SYT16: variants seen among roughly 807,000 people sequenced by gnomAD.
The protein encoded by SYT16 is synaptotagmin 16.
SYT16 carries 42 observed loss-of-function variants against 61.4 expected under a neutral mutation model. The observed-to-expected ratio is 0.68, with a 90% CI of 0.53 to 0.89. The LOEUF (loss-of-function observed/expected upper bound fraction) is 0.89, where lower values mean the gene tolerates loss of function less well. Ranked by LOEUF, SYT16 falls within the 40% of genes least tolerant of loss-of-function variation. The pLI is 0.00. For missense variants in SYT16, 804 were observed against 807.3 expected, an observed-to-expected ratio of 1.00 and a Z score of 0.05; for synonymous variants, 314 against 302.3, an observed-to-expected ratio of 1.04 and a Z score of -0.40.
At chr14:62,032,105 A>T (rs1026476570) in intron 3 of SYT16, among the ~76,000 whole-genome samples, 1 of 152,164 alleles carries the variant, frequency 6.6e-6, no homozygotes, top group Admixed American at 6.6e-5. Flanking sequence ...AACGGGAATG[A>T]TGAATTAAAT....
intron 1 of SYT16, among the ~76,000 whole-genome samples, chr14:61,959,937 C>A (rs1048159283): frequency 6.6e-6 from 1 of 151,940 alleles, no homozygotes; most frequent in Non-Finnish European, 1.5e-5. Context: ...CTCAAGTGAT[C>A]CTCCCACCTT....
rs73258437 is a variant in SYT16 at position 61,895,276 on chromosome 14, C to T, written c.-324-74856C>T. On this transcript the variant is annotated intron_variant, in intron 1 of 7. Coordinates refer to ENST00000683842, the MANE Select transcript of SYT16 (RefSeq NM_001367656.1). ...AATTTTTTTTAAAAAAATCAAAGTT[C>T]TTCCTCTAATGCTGAATCCCTCTGG... Among the ~76,000 whole-genome samples, 554 of 152,258 alleles carry T rather than the reference C, an allele frequency of 3.6e-3. 7 individuals are homozygous for T. The highest frequency in any genetic ancestry group is 0.012 in the African/African-American group (515 of 41,554).
intron 1 of SYT16, among the ~76,000 whole-genome samples, chr14:61,966,288 C>T (rs1252220975): frequency 6.6e-6 from 1 of 151,440 alleles, no homozygotes; most frequent in African/African-American, 2.4e-5. Flanking sequence ...ACATTAAATT[C>T]ATTAATATAA....
chr14:61,817,722 G>A (rs1444907678), intron 1 of SYT16, among the ~76,000 whole-genome samples: 1 of 152,194 alleles, frequency 6.6e-6, no homozygotes, highest in Admixed American at 6.5e-5. Context: ...TAATTGGTGA[G>A]ATTTGAATAT....
At chr14:62,047,123 C>A (rs911118684) in intron 3 of SYT16, among the ~76,000 whole-genome samples, 1 of 151,010 alleles carries the variant, frequency 6.6e-6, no homozygotes, top group Admixed American at 6.6e-5. Context: ...TGTATTGTAT[C>A]TTGTATTGTA....
intron 3 of SYT16, among the ~76,000 whole-genome samples, chr14:62,053,782 A>G (rs1223023919): frequency 6.6e-6 from 1 of 152,240 alleles, no homozygotes; most frequent in Non-Finnish European, 1.5e-5. Flanking sequence ...ACTCTGTATG[A>G]CAATTATGAA....
chr14:61,852,811 A>G (rs987390011), intron 1 of SYT16, among the ~76,000 whole-genome samples: 1 of 152,236 alleles, frequency 6.6e-6, no homozygotes, highest in Non-Finnish European at 1.5e-5. Flanking sequence ...AAAAAGCAAC[A>G]TATCTTTTTC....
intron 1 of SYT16, among the ~76,000 whole-genome samples, chr14:61,874,747 T>G (rs1306700086): frequency 6.6e-6 from 1 of 151,930 alleles, no homozygotes; most frequent in Non-Finnish European, 1.5e-5. Flanking sequence ...AATTTAACAT[T>G]TTCAGAGCCA....
chr14:62,091,509 G>A (rs1399110058), intron 7 of SYT16, among the ~76,000 whole-genome samples: 1 of 152,142 alleles, frequency 6.6e-6, no homozygotes, highest in Non-Finnish European at 1.5e-5. Context: ...CCACAAAATG[G>A]TAATAAAATT....
chr14:61,988,724 AAG>A (rs2052423241), intron 2 of SYT16, among the ~76,000 whole-genome samples: 1 of 152,206 alleles, frequency 6.6e-6, no homozygotes, highest in South Asian at 2.1e-4. Context: ...ACATTTTTTG[AAG>A]AGTTCCATTA....
intron 3 of SYT16, among the ~76,000 whole-genome samples, chr14:62,008,111 A>G (rs541907985): frequency 6.6e-6 from 1 of 152,016 alleles, no homozygotes; most frequent in East Asian, 1.9e-4. Context: ...TTGTTTATTT[A>G]TTTATTTATA....
In SYT16 at chr14:61,933,788, T is replaced by C. The variant is rs550180398; in HGVS notation, c.-324-36344T>C. Among the ~76,000 whole-genome samples the C allele has an allele frequency of 3.0e-3, 459 of 152,280 alleles. 2 individuals carry two copies. Among genetic ancestry groups the C allele is most frequent in the South Asian group, 0.015 (73 of 4,826 alleles). On this transcript the variant is annotated intron_variant, in intron 1 of 7. Transcript: ENST00000683842. Reference sequence around the variant, plus strand: ...GCAAAGCGTTTGGACATTTACAAAATAAGCTATTTTCTATTTAAGAAAAAA... The same window carrying C: ...GCAAAGCGTTTGGACATTTACAAAACAAGCTATTTTCTATTTAAGAAAAAA...
chr14:62,084,237 T>C lies in SYT16; in HGVS notation c.1476T>C (p.Ser492=). 3.1e-6 allele frequency: 5 copies of C among 1,613,894 alleles called. No homozygotes were observed. The highest frequency in any genetic ancestry group is 3.4e-6 in the Non-Finnish European group (4 of 1,179,862). The change falls in exon 7 of 8, where the codon AGT becomes AGC. Residue 492 remains serine, a synonymous_variant. Coordinates refer to ENST00000683842, the MANE Select transcript of SYT16 (RefSeq NM_001367656.1). ...TCAGCCCATCTGCGGTTTCTCACAG[T>C]GATAGTACTTCATCCACGCAGTCGC... ...SPLSPSAVSH[S]DSTSSTQSLS... is the part of the protein sequence containing the mutation.
intron 3 of SYT16, among the ~76,000 whole-genome samples, chr14:62,053,400 C>T (rs2055399131): frequency 6.6e-6 from 1 of 152,200 alleles, no homozygotes; most frequent in Non-Finnish European, 1.5e-5. Flanking sequence ...GTTCTCAGAC[C>T]TTCAAAGTCA....
At chr14:62,017,408 C>G (rs1042208013) in intron 3 of SYT16, among the ~76,000 whole-genome samples, 1 of 152,124 alleles carries the variant, frequency 6.6e-6, no homozygotes, top group African/African-American at 2.4e-5. Flanking sequence ...TTGAATTATC[C>G]AAGCATATGC....
intron 1 of SYT16, among the ~76,000 whole-genome samples, chr14:61,968,812 C>T (rs2051423901): frequency 6.6e-6 from 1 of 152,208 alleles, no homozygotes; most frequent in South Asian, 2.1e-4. Flanking sequence ...CCTATAACTA[C>T]TGCTACCGGG....
chr14:62,093,129 C>T (rs1270904880), intron 7 of SYT16, among the ~76,000 whole-genome samples: 2 of 151,680 alleles, frequency 1.3e-5, no homozygotes, highest in Non-Finnish European at 2.9e-5. Context: ...TAAAACAGTT[C>T]TAAAAAATTA....
At chr14:61,948,966 G>A (rs200414848) in intron 1 of SYT16, among the ~76,000 whole-genome samples, 2 of 152,132 alleles carry the variant, frequency 1.3e-5, no homozygotes, top group East Asian at 3.9e-4. Context: ...GGCCATTCTG[G>A]AATCTGAGTG....
chr14:61,962,099 G>C (rs1471982881), intron 1 of SYT16, among the ~76,000 whole-genome samples: 39 of 152,082 alleles, frequency 2.6e-4, no homozygotes, highest in Admixed American at 2.6e-3. Flanking sequence ...GGGAACAACA[G>C]ACACCAGGGC....
Sources: allele counts gnomAD v4.1 joint callset (sites outside exome capture counted in the v4.1 genomes callset), GRCh38; gene constraint gnomAD v4.1.1; transcripts MANE v1.5; gene names NCBI Gene and HGNC (gene_info 2026-07-23, HGNC 2026-07-21).